CNTN5: variants seen among roughly 807,000 people sequenced by gnomAD.
CNTN5 encodes the protein contactin 5.
CNTN5 carries 77 observed loss-of-function variants against 129.1 expected under a neutral mutation model. The observed-to-expected ratio is 0.60, with a 90% CI of 0.50 to 0.72. CNTN5 has a LOEUF of 0.72. Ranked by LOEUF, CNTN5 falls within the 30% of genes least tolerant of loss-of-function variation. The probability of loss-of-function intolerance (pLI) is 0.00; values close to 1 mark genes in which losing one functional copy is unlikely to be tolerated. For missense variants in CNTN5, 1,478 were observed against 1,328.8 expected, an observed-to-expected ratio of 1.11 and a Z score of -1.75; for synonymous variants, 509 against 465.6, an observed-to-expected ratio of 1.09 and a Z score of -1.20.
intron 1 of CNTN5, among the ~76,000 whole-genome samples, chr11:99,059,496 T>C (rs1864784444): frequency 6.6e-6 from 1 of 152,126 alleles, no homozygotes; most frequent in Non-Finnish European, 1.5e-5. Context: ...TACTTCCCTT[T>C]AGTCATTTAT....
At chr11:99,574,937 A>T (rs1448846755) in intron 3 of CNTN5, among the ~76,000 whole-genome samples, 1 of 152,144 alleles carries the variant, frequency 6.6e-6, no homozygotes, top group Admixed American at 6.5e-5. Flanking sequence ...TTTTAAAATG[A>T]AAAATGGTAC....
intron 8 of CNTN5, among the ~76,000 whole-genome samples, chr11:99,992,352 T>C (rs1939164126): frequency 6.6e-6 from 1 of 152,172 alleles, no homozygotes; most frequent in Admixed American, 6.5e-5. Context: ...CACATACAGG[T>C]TGAATATAAT....
chr11:100,143,138 G>T (rs1405325084), intron 13 of CNTN5, among the ~76,000 whole-genome samples: 1 of 152,080 alleles, frequency 6.6e-6, no homozygotes, highest in Non-Finnish European at 1.5e-5. Context: ...TAAGCCAAGG[G>T]CTACTCAACT....
intron 13 of CNTN5, among the ~76,000 whole-genome samples, chr11:100,159,192 A>T (rs1205051820): frequency 6.6e-6 from 1 of 151,642 alleles, no homozygotes; most frequent in Non-Finnish European, 1.5e-5. Context: ...TATTGCATAG[A>T]TTTGTCTTGT....
chr11:100,110,047 C>T (rs1435553640), intron 13 of CNTN5, among the ~76,000 whole-genome samples: 1 of 151,770 alleles, frequency 6.6e-6, no homozygotes, highest in Admixed American at 6.6e-5. Context: ...GGCATGGTGT[C>T]GTGTTGCTGT....
At chr11:100,257,268 G>A (rs1048391378) in intron 17 of CNTN5, among the ~76,000 whole-genome samples, 1 of 152,162 alleles carries the variant, frequency 6.6e-6, no homozygotes, top group Non-Finnish European at 1.5e-5. Flanking sequence ...ATCTCTGAAA[G>A]AAAGACAACA....
intron 21 of CNTN5, among the ~76,000 whole-genome samples, chr11:100,317,286 G>T (rs538830672): frequency 6.6e-6 from 1 of 152,212 alleles, no homozygotes; most frequent in Admixed American, 6.5e-5. Context: ...TTGTATGGGG[G>T]GGAGGAAATG....
chr11:100,165,119 G>A (rs1947586095), intron 13 of CNTN5, among the ~76,000 whole-genome samples: 1 of 151,408 alleles, frequency 6.6e-6, no homozygotes, highest in Non-Finnish European at 1.5e-5. Flanking sequence ...CTAGATGGGT[G>A]GCAGCAAAAA....
chr11:99,343,820 ATG>A (rs1205700986), intron 2 of CNTN5, among the ~76,000 whole-genome samples: 1 of 152,172 alleles, frequency 6.6e-6, no homozygotes, highest in Admixed American at 6.6e-5. Flanking sequence ...GGGTCAAATA[ATG>A]TGTTAGAGGT....
intron 2 of CNTN5, among the ~76,000 whole-genome samples, chr11:99,472,067 TG>T (rs1191431122): frequency 4.6e-5 from 7 of 152,174 alleles, no homozygotes; most frequent in African/African-American, 7.2e-5. Flanking sequence ...TCAGTTTTCA[TG>T]GTTATCAGAC....
chr11:99,299,020 T>C lies in CNTN5; in HGVS notation c.-209-26326T>C, dbSNP rs186095776. On this transcript the variant is annotated intron_variant, in intron 1 of 24. Coordinates refer to ENST00000524871, the MANE Select transcript of CNTN5 (RefSeq NM_014361.4). ...AAATCAGCCAGAAGCCCCTCTTGGG[T>C]TTATTCTCCAAAATAAACCTGTCTT... Among the ~76,000 whole-genome samples, 5 of 151,496 alleles carry C rather than the reference T, an allele frequency of 3.3e-5. No homozygotes were observed. The East Asian group carries it at 9.7e-4, about 29-fold the overall frequency.
chr11:99,482,791 C>T (rs138804703), intron 2 of CNTN5, among the ~76,000 whole-genome samples: 1,566 of 151,908 alleles, frequency 0.01, 5 homozygotes, highest in Middle Eastern at 0.041. Flanking sequence ...AATTAATACC[C>T]GGAACTTCAC....
rs1430676690 is a variant in CNTN5 at position 99,970,403 on chromosome 11, A to G, written c.877+13394A>G. On this transcript the variant is annotated intron_variant, in intron 8 of 24. Coordinates refer to ENST00000524871, the MANE Select transcript of CNTN5 (RefSeq NM_014361.4). The stretch of plus-strand genomic sequence containing the variant: ...AATTTAAACTACAATCTATTTGCCT[A>G]ATTTGGTTTAAAATACATTGGTCAC... Among the ~76,000 whole-genome samples, 3 of 152,226 alleles carry G rather than the reference A, an allele frequency of 2.0e-5. No individual in the cohort carries two copies. The South Asian group carries it at 6.2e-4, about 31-fold the overall frequency.
chr11:100,318,512 GT>G (rs1190757442), intron 21 of CNTN5, among the ~76,000 whole-genome samples: 5 of 152,116 alleles, frequency 3.3e-5, no homozygotes, highest in African/African-American at 4.8e-5. Flanking sequence ...AATTAGTAAA[GT>G]GCTGAGACAT....
chr11:99,949,112 C>T (rs1046924559), intron 7 of CNTN5, among the ~76,000 whole-genome samples: 1 of 152,178 alleles, frequency 6.6e-6, no homozygotes, highest in Non-Finnish European at 1.5e-5. Context: ...TTTTCTCCCT[C>T]ATCTTACCTC....
At chr11:99,331,908 T>C (rs899966670) in intron 2 of CNTN5, among the ~76,000 whole-genome samples, 35 of 152,260 alleles carry the variant, frequency 2.3e-4, no homozygotes, top group African/African-American at 7.9e-4. Flanking sequence ...CCATGAGCCA[T>C]GTTGCTCTTT....
In CNTN5 at chr11:99,338,983, A is replaced by G. The variant is rs193195193; in HGVS notation, c.-71+13499A>G. On this transcript the variant is annotated intron_variant, in intron 2 of 24. Coordinates refer to ENST00000524871, the MANE Select transcript of CNTN5 (RefSeq NM_014361.4). Reference sequence around the variant, plus strand: ...TATGTGTGTGTTTGTGTGTGTGTGTATATATATATATAGTGTCCATTATGA... The same window carrying G: ...TATGTGTGTGTTTGTGTGTGTGTGTGTATATATATATAGTGTCCATTATGA... Among the ~76,000 whole-genome samples, 241 of 100,246 alleles carry G rather than the reference A, an allele frequency of 2.4e-3. 3 individuals are homozygous for G. The East Asian group carries it at 0.046, about 19-fold the overall frequency. 65.8% of individuals were successfully genotyped at this position (100,246 alleles called of 152,430 possible). A position where few individuals can be genotyped will look rare whatever the true frequency, so the allele number is the denominator to read the frequency against.
chr11:99,938,139 G>A (rs1021357676), intron 7 of CNTN5, among the ~76,000 whole-genome samples: 3 of 152,066 alleles, frequency 2.0e-5, no homozygotes, highest in African/African-American at 7.2e-5. Flanking sequence ...GGAGGAAAGG[G>A]TGAGATCTGT....
intron 9 of CNTN5, among the ~76,000 whole-genome samples, chr11:100,059,850 G>A (rs185304880): frequency 6.6e-6 from 1 of 152,232 alleles, no homozygotes; most frequent in East Asian, 1.9e-4. Context: ...GACTGCTACA[G>A]AAAATAGAAT....
Sources: allele counts gnomAD v4.1 joint callset (sites outside exome capture counted in the v4.1 genomes callset), GRCh38; gene constraint gnomAD v4.1.1; transcripts MANE v1.5; gene names NCBI Gene and HGNC (gene_info 2026-07-23, HGNC 2026-07-21).